CHODL: variants seen among roughly 807,000 people sequenced by gnomAD.
CHODL encodes chondrolectin, also known as transmembrane protein MT75.
In CHODL, 29 loss-of-function variants were observed where a neutral mutation model predicts 34.5. The ratio of observed to expected loss-of-function variants is 0.84; its 90% confidence interval spans 0.63 to 1.15. The LOEUF is 1.15. Among genes scored for constraint, CHODL ranks in the 50% most tolerant of loss-of-function variants. The probability of loss-of-function intolerance (pLI) is 0.00; values close to 1 mark genes in which losing one functional copy is unlikely to be tolerated. For missense variants in CHODL, 332 were observed against 332.5 expected (o/e 1.00, Z 0.01); for synonymous variants, 125 against 116.1 (o/e 1.08, Z -0.49).
intron 2 of CHODL, among the ~76,000 whole-genome samples, chr21:18,060,824 G>C (rs1305541052): frequency 6.6e-6 from 1 of 151,918 alleles, no homozygotes; most frequent in African/African-American, 2.4e-5. Flanking sequence ...CTGTGTCTGT[G>C]CTTCAGAGAC....
intron 1 of CHODL, among the ~76,000 whole-genome samples, chr21:17,926,269 T>C (rs9977540): frequency 1 from 152,332 of 152,332 alleles, 76,166 homozygotes; most frequent in Non-Finnish European, 1. Flanking sequence ...AATTCTTTGT[T>C]TTAGGTTAGA....
intron 4 of CHODL, among the ~76,000 whole-genome samples, chr21:18,262,581 A>C (rs2074395377): frequency 6.6e-6 from 1 of 152,222 alleles, no homozygotes; most frequent in African/African-American, 2.4e-5. Flanking sequence ...GACCACTGTC[A>C]CATATGTGAT....
chr21:17,963,749 G>A (rs182591671), intron 1 of CHODL, among the ~76,000 whole-genome samples: 369 of 151,708 alleles, frequency 2.4e-3, no homozygotes, highest in South Asian at 4.2e-3. Flanking sequence ...TGTGCCATTG[G>A]TTTCTGTATC....
At chr21:18,161,181 GA>G (rs367581997) in intron 2 of CHODL, among the ~76,000 whole-genome samples, 133 of 152,048 alleles carry the variant, frequency 8.7e-4, no homozygotes, top group African/African-American at 3.1e-3. Flanking sequence ...TAGTTTGTGG[GA>G]TTTTTTTGGT....
At chr21:17,924,089 G>C (rs2085018105) in intron 1 of CHODL, among the ~76,000 whole-genome samples, 1 of 152,210 alleles carries the variant, frequency 6.6e-6, no homozygotes, top group Non-Finnish European at 1.5e-5. Context: ...GGAAGCTAAA[G>C]GTGAGAGGCT....
chr21:18,121,317 A>T (rs927721188), intron 2 of CHODL, among the ~76,000 whole-genome samples: 2 of 152,196 alleles, frequency 1.3e-5, no homozygotes, highest in African/African-American at 4.8e-5. Context: ...ACAACCTCAT[A>T]ATGTTTCAAG....
At chr21:18,033,505 C>A (rs1474532191) in intron 2 of CHODL, among the ~76,000 whole-genome samples, 1 of 151,974 alleles carries the variant, frequency 6.6e-6, no homozygotes, top group East Asian at 1.9e-4. Flanking sequence ...TAATTAATAT[C>A]AATGTTTGGA....
At chr21:17,919,520 A>G (rs937280331) in intron 1 of CHODL, among the ~76,000 whole-genome samples, 1 of 152,060 alleles carries the variant, frequency 6.6e-6, no homozygotes, top group Non-Finnish European at 1.5e-5. Flanking sequence ...AAGTCCCTAA[A>G]CTGTACACAG....
intron 2 of CHODL, among the ~76,000 whole-genome samples, chr21:18,110,488 G>A (rs1048876757): frequency 7.2e-5 from 11 of 152,118 alleles, no homozygotes; most frequent in African/African-American, 2.4e-4. Context: ...GGGACCCAGT[G>A]GCTATGCTTA....
At chr21:18,041,906 AACTATAT>A (rs1252625496) in intron 2 of CHODL, among the ~76,000 whole-genome samples, 1 of 151,922 alleles carries the variant, frequency 6.6e-6, no homozygotes, top group Non-Finnish European at 1.5e-5. Context: ...GATTAGCAAT[AACTATAT>A]GAGAAAGCGT....
At chr21:17,952,924 A>G (rs2063470238) in intron 1 of CHODL, among the ~76,000 whole-genome samples, 1 of 152,164 alleles carries the variant, frequency 6.6e-6, no homozygotes, top group Non-Finnish European at 1.5e-5. Flanking sequence ...AGAGAAAGAC[A>G]GTAGGAGTAA....
chr21:17,987,270 T>C (rs557420766), intron 1 of CHODL, among the ~76,000 whole-genome samples: 1 of 152,292 alleles, frequency 6.6e-6, no homozygotes, highest in East Asian at 1.9e-4. Context: ...AGAATTCTAC[T>C]GACATCAGTA....
At chr21:18,043,834 C>T (rs144470247) in intron 2 of CHODL, among the ~76,000 whole-genome samples, 25 of 151,974 alleles carry the variant, frequency 1.6e-4, no homozygotes, top group East Asian at 9.8e-4. Flanking sequence ...ACAATCTTGG[C>T]GGAAGGCGAA....
At chr21:18,211,412 G>A (rs1431902231) in intron 2 of CHODL, among the ~76,000 whole-genome samples, 2 of 152,148 alleles carry the variant, frequency 1.3e-5, no homozygotes, top group Non-Finnish European at 2.9e-5. Context: ...TTAAGCTAGA[G>A]GAAAGCATGT....
intron 2 of CHODL, among the ~76,000 whole-genome samples, chr21:18,207,554 C>A (rs2073725656): frequency 6.6e-6 from 1 of 151,476 alleles, no homozygotes; most frequent in African/African-American, 2.4e-5. Flanking sequence ...GAGTTTGATA[C>A]CTTCAGATAA....
At chr21:18,057,228 A>G (rs148322200) in intron 2 of CHODL, among the ~76,000 whole-genome samples, 1 of 151,992 alleles carries the variant, frequency 6.6e-6, no homozygotes, top group African/African-American at 2.4e-5. Flanking sequence ...TCATGTGGCT[A>G]TTTATTTTCT....
chr21:17,940,134 G>T (rs1013905401), intron 1 of CHODL, among the ~76,000 whole-genome samples: 2 of 152,104 alleles, frequency 1.3e-5, no homozygotes, highest in South Asian at 4.2e-4. Context: ...GTGGTTCCAC[G>T]GTCTGGCATT....
intron 2 of CHODL, among the ~76,000 whole-genome samples, chr21:18,167,654 A>G (rs1274445461): frequency 6.6e-6 from 1 of 151,952 alleles, no homozygotes; most frequent in Non-Finnish European, 1.5e-5. Context: ...TATTTCTACC[A>G]TTTTAAAATT....
chr21:18,177,891 G>C (rs2073336064), intron 2 of CHODL, among the ~76,000 whole-genome samples: 1 of 152,034 alleles, frequency 6.6e-6, no homozygotes, highest in Non-Finnish European at 1.5e-5. Flanking sequence ...AACTGGTTTA[G>C]AATAAACAAA....
Sources: allele counts gnomAD v4.1 joint callset (sites outside exome capture counted in the v4.1 genomes callset), GRCh38; gene constraint gnomAD v4.1.1; transcripts MANE v1.5; gene names NCBI Gene and HGNC (gene_info 2026-07-23, HGNC 2026-07-21).